MDGA2: variants seen among roughly 807,000 people sequenced by gnomAD.
MDGA2 encodes MAM domain-containing glycosylphosphatidylinositol anchor protein 2.
MDGA2 carries 40 observed loss-of-function variants against 117.8 expected under a neutral mutation model. The observed-to-expected ratio is 0.34, with a 90% CI of 0.26 to 0.44. The LOEUF (loss-of-function observed/expected upper bound fraction) is 0.44, where lower values mean the gene tolerates loss of function less well. MDGA2 is among the 20% of genes least tolerant of loss of function. MDGA2 has a pLI of 1.00. For synonymous variants in MDGA2, 452 were observed against 439.0 expected (o/e 1.03, Z -0.37); for missense variants, 1,123 against 1,250.6 (o/e 0.90, Z 1.54).
At chr14:47,523,587 G>C (rs1353345306) in intron 1 of MDGA2, among the ~76,000 whole-genome samples, 1 of 152,056 alleles carries the variant, frequency 6.6e-6, no homozygotes, top group African/African-American at 2.4e-5. Context: ...AAATGAAACT[G>C]TGAGGGATGA....
chr14:47,139,453 A>G (rs1225298357), intron 4 of MDGA2, among the ~76,000 whole-genome samples: 2 of 151,938 alleles, frequency 1.3e-5, no homozygotes, highest in Non-Finnish European at 2.9e-5. Context: ...TCCTTTATAT[A>G]TCAACAAACA....
intron 3 of MDGA2, among the ~76,000 whole-genome samples, chr14:47,176,596 A>C (rs964648774): frequency 5.3e-5 from 8 of 152,244 alleles, no homozygotes; most frequent in Non-Finnish European, 1.2e-4. Context: ...CTGACTGGCC[A>C]TATGTAGAAA....
chr14:46,987,303 T>G (rs572126920), intron 8 of MDGA2, among the ~76,000 whole-genome samples: 2 of 152,218 alleles, frequency 1.3e-5, no homozygotes, highest in South Asian at 2.1e-4. Flanking sequence ...GTCCTCTTGG[T>G]TAATGCTGAA....
chr14:47,402,040 T>C (rs1474012046), intron 1 of MDGA2, among the ~76,000 whole-genome samples: 1 of 152,212 alleles, frequency 6.6e-6, no homozygotes, highest in Non-Finnish European at 1.5e-5. Flanking sequence ...TGTAGTTTAT[T>C]GGTGTCTATC....
chr14:46,965,495 C>A (rs911880860), intron 8 of MDGA2, among the ~76,000 whole-genome samples: 1 of 152,076 alleles, frequency 6.6e-6, no homozygotes, highest in Admixed American at 6.6e-5. Context: ...TTTAAAAGGC[C>A]TTTTATTTAA....
At chr14:46,963,910 A>T (rs1885911068) in intron 8 of MDGA2, among the ~76,000 whole-genome samples, 1 of 152,200 alleles carries the variant, frequency 6.6e-6, no homozygotes, top group African/African-American at 2.4e-5. Flanking sequence ...AAGAGTAAAG[A>T]TGTACACATT....
chr14:46,855,643 T>C lies in MDGA2; in HGVS notation c.2753-489A>G, dbSNP rs1048409422. On this transcript the variant is annotated intron_variant, in intron 14 of 16. Transcript: ENST00000399232. This position sits in a 1 kb window ranked among gnomAD's most constrained non-coding sequence, Gnocchi z 4.1. ...GAGCTTCAGAAGAAGTCAGCCCTGC[T>C]GACATCTTGATTTTAGGCCCAGAAT... Among the ~76,000 whole-genome samples the C allele has an allele frequency of 2.6e-5, 4 of 152,174 alleles. No individual in the cohort carries two copies. The highest frequency in any genetic ancestry group is 4.4e-5 in the Non-Finnish European group (3 of 68,016).
chr14:47,174,214 C>T (rs1267484021), intron 3 of MDGA2, among the ~76,000 whole-genome samples: 1 of 152,072 alleles, frequency 6.6e-6, no homozygotes, highest in Admixed American at 6.6e-5. Context: ...CTTTAACACC[C>T]CATTGTCAAC....
intron 9 of MDGA2, among the ~76,000 whole-genome samples, chr14:46,956,640 T>G (rs887471686): frequency 1.3e-5 from 2 of 148,238 alleles, no homozygotes; most frequent in Admixed American, 1.4e-4. Context: ...TCACATGAGA[T>G]TTGAATAGAA....
rs375014196 is a variant in MDGA2 at position 46,907,671 on chromosome 14, T to C, written c.2238+12341A>G. Among the ~76,000 whole-genome samples, 56 of 152,304 alleles carry C rather than the reference T, an allele frequency of 3.7e-4. 3 individuals are homozygous for C. The South Asian group carries it at 7.9e-3, about 21-fold the overall frequency. On this transcript the variant is annotated intron_variant, in intron 10 of 16. Coordinates refer to ENST00000399232, the MANE Select transcript of MDGA2 (RefSeq NM_001113498.3). The stretch of plus-strand genomic sequence containing the variant: ...CTTTGTGACACCATTTTTCATATCA[T>C]TCATGTCTCTACTCAAATGCCATCT...
At chr14:47,572,189 T>C (rs1018675089) in intron 1 of MDGA2, among the ~76,000 whole-genome samples, 6 of 152,326 alleles carry the variant, frequency 3.9e-5, no homozygotes, top group Admixed American at 1.3e-4. Flanking sequence ...ATTTATTACA[T>C]TGCTGATTTT....
At chr14:47,436,784 C>A (rs1024001902) in intron 1 of MDGA2, among the ~76,000 whole-genome samples, 4 of 152,098 alleles carry the variant, frequency 2.6e-5, no homozygotes, top group African/African-American at 9.7e-5. Context: ...GCCCAGTGGC[C>A]ACGGGTTGGA....
intron 14 of MDGA2, among the ~76,000 whole-genome samples, chr14:46,869,199 C>T (rs142809407): frequency 3.3e-5 from 5 of 151,952 alleles, no homozygotes; most frequent in African/African-American, 9.7e-5. Context: ...TTGAACCATT[C>T]GTATCAAGTA....
intron 3 of MDGA2, among the ~76,000 whole-genome samples, chr14:47,146,516 T>A (rs545663344): frequency 1.4e-4 from 22 of 152,312 alleles, no homozygotes; most frequent in Admixed American, 5.2e-4. Context: ...TTAAAACCTA[T>A]CAAATATTCA....
chr14:46,972,697 A>G (rs1450320934), intron 8 of MDGA2, among the ~76,000 whole-genome samples: 1 of 152,172 alleles, frequency 6.6e-6, no homozygotes, highest in African/African-American at 2.4e-5. Context: ...AAAAAAAGCT[A>G]GATGACCTTG....
chr14:47,407,869 T>C (rs185536218), intron 1 of MDGA2, among the ~76,000 whole-genome samples: 1 of 152,244 alleles, frequency 6.6e-6, no homozygotes, highest in East Asian at 1.9e-4. Context: ...GATTCTTGAC[T>C]GCAGGAATCT....
intron 3 of MDGA2, among the ~76,000 whole-genome samples, chr14:47,171,333 C>G (rs1884124038): frequency 1.3e-5 from 2 of 151,836 alleles, no homozygotes; most frequent in Admixed American, 6.6e-5. Flanking sequence ...TATATAAATT[C>G]TTAACTGAAT....
intron 3 of MDGA2, among the ~76,000 whole-genome samples, chr14:47,185,219 G>A (rs1182836181): frequency 6.6e-6 from 1 of 151,008 alleles, no homozygotes; most frequent in African/African-American, 2.4e-5. Context: ...ATAATATTAT[G>A]GAAGCACTAT....
At chr14:47,487,516 C>CT (rs1262862731) in intron 1 of MDGA2, among the ~76,000 whole-genome samples, 2 of 152,236 alleles carry the variant, frequency 1.3e-5, no homozygotes, top group African/African-American at 4.8e-5. Context: ...AAAATGAAAA[C>CT]TTTCATTATC....
Sources: gnomAD v4.1 joint callset for allele counts (sites outside exome capture counted in the v4.1 genomes callset) on GRCh38, gnomAD v4.1.1 for gene constraint, Gnocchi (gnomAD v3.1) non-coding constraint, MANE v1.5 for transcripts, NCBI Gene and HGNC (gene_info 2026-07-23, HGNC 2026-07-21) for gene names.